The following C9orf85 variants were observed in gnomAD, a reference collection of about 807,000 sequenced individuals.
C9orf85 encodes chromosome 9 open reading frame 85, also known as uncharacterized protein C9orf85.
A neutral mutation model predicts 14.9 loss-of-function variants in C9orf85; 16 were observed. The ratio of observed to expected loss-of-function variants is 1.08; its 90% confidence interval spans 0.73 to 1.63. The LOEUF is 1.63. C9orf85 is among the 40% of genes most tolerant of loss of function. The pLI, the probability that C9orf85 is intolerant of heterozygous loss-of-function variation, is 0.00. For missense variants in C9orf85, 172 were observed against 186.1 expected (o/e 0.92, Z 0.44); for synonymous variants, 45 against 56.8 (o/e 0.79, Z 0.93).
At chr9:71,932,875 G>A (rs1333280085) in intron 1 of C9orf85, among the ~76,000 whole-genome samples, 1 of 152,064 alleles carries the variant, frequency 6.6e-6, no homozygotes, top group Non-Finnish European at 1.5e-5. Flanking sequence ...TGTGGAGAGA[G>A]TCAAGAAAAT....
At chr9:71,913,121 G>A (rs893684484) in intron 1 of C9orf85, among the ~76,000 whole-genome samples, 8 of 152,136 alleles carry the variant, frequency 5.3e-5, no homozygotes, top group Non-Finnish European at 2.9e-5. Flanking sequence ...AATTTGTCAG[G>A]ATTGTTGGGA....
intron 2 of C9orf85, among the ~76,000 whole-genome samples, chr9:71,960,369 C>T (rs1330038194): frequency 1.3e-5 from 2 of 152,044 alleles, no homozygotes; most frequent in African/African-American, 4.8e-5. Context: ...TTTCTCATTG[C>T]ATAACTTTTG....
At chr9:71,930,914 G>T (rs1334744583) in intron 1 of C9orf85, among the ~76,000 whole-genome samples, 2 of 151,846 alleles carry the variant, frequency 1.3e-5, no homozygotes, top group Non-Finnish European at 2.9e-5. Context: ...TAGCACATTT[G>T]GTCTGACCTT....
chr9:71,976,728 AT>A (rs5898244), downstream of C9orf85, among the ~76,000 whole-genome samples: 20 of 146,118 alleles, frequency 1.4e-4, no homozygotes, highest in African/African-American at 2.7e-4. Flanking sequence ...ATAGCCCAGG[AT>A]TTTTTTTTTT....
chr9:71,936,640 G>A (rs1047583622), intron 1 of C9orf85, among the ~76,000 whole-genome samples: 4 of 152,092 alleles, frequency 2.6e-5, no homozygotes, highest in Non-Finnish European at 5.9e-5. Context: ...AATGAAGATA[G>A]TTCAAAGATA....
intron 1 of C9orf85, among the ~76,000 whole-genome samples, chr9:71,944,355 G>A (rs1017468424): frequency 2.0e-5 from 3 of 151,950 alleles, no homozygotes; most frequent in Non-Finnish European, 4.4e-5. Flanking sequence ...GTATTCATTT[G>A]ATAAGTAAGG....
At chr9:71,977,917 A>C (rs1396959878), downstream of C9orf85, among the ~76,000 whole-genome samples, 5 of 152,186 alleles carry the variant, frequency 3.3e-5, no homozygotes, top group Non-Finnish European at 2.9e-5. Flanking sequence ...TACTGAAAAA[A>C]ATCATACCTT....
At chr9:71,914,910 G>T (rs904550219) in intron 1 of C9orf85, among the ~76,000 whole-genome samples, 2 of 152,172 alleles carry the variant, frequency 1.3e-5, no homozygotes, top group African/African-American at 4.8e-5. Context: ...GTGGGAATAG[G>T]TTTAAATCTT....
At chr9:71,978,299 A>G (rs1017407671), downstream of C9orf85, among the ~76,000 whole-genome samples, 1 of 152,042 alleles carries the variant, frequency 6.6e-6, no homozygotes, top group African/African-American at 2.4e-5. Context: ...TTATGGAGAC[A>G]GCGTTTTGCA....
intron 1 of C9orf85, among the ~76,000 whole-genome samples, chr9:71,946,099 T>A (rs894280172): frequency 1.3e-5 from 2 of 152,250 alleles, no homozygotes; most frequent in Non-Finnish European, 2.9e-5. Flanking sequence ...TACAGATATT[T>A]ACATACAAAT....
chr9:71,916,138 G>C (rs1047235986), intron 1 of C9orf85, among the ~76,000 whole-genome samples: 6 of 152,134 alleles, frequency 3.9e-5, no homozygotes, highest in Non-Finnish European at 7.3e-5. Context: ...ATGAAAGAAC[G>C]GTCTAGGGAG....
intron 1 of C9orf85, chr9:71,918,479 GGGTCCCCAGCCCCCGACCCCCGCATC>G (rs1183534786): frequency 1.5e-6 from 2 of 1,301,646 alleles, no homozygotes; most frequent in Non-Finnish European, 1.0e-6. Context: ...TGTGGAGCAG[GGGTCCCCAGCCCCCGACCCCCGCATC>G]GGTCCATGGC....
At chr9:71,940,047 T>A (rs901287446) in intron 1 of C9orf85, among the ~76,000 whole-genome samples, 21 of 152,010 alleles carry the variant, frequency 1.4e-4, no homozygotes, top group African/African-American at 5.1e-4. Flanking sequence ...AGAAAAAAAT[T>A]GATAAATTGT....
downstream of C9orf85, among the ~76,000 whole-genome samples, chr9:71,975,668 A>G (rs1240677895): frequency 2.0e-5 from 3 of 152,048 alleles, no homozygotes; most frequent in Non-Finnish European, 4.4e-5. Flanking sequence ...CCCCATCTCT[A>G]CTAAAAACAC....
At chr9:71,930,011 A>C (rs1008839371) in intron 1 of C9orf85, among the ~76,000 whole-genome samples, 1 of 151,228 alleles carries the variant, frequency 6.6e-6, no homozygotes, top group Non-Finnish European at 1.5e-5. Flanking sequence ...GAATGTTGTA[A>C]AAATAGCAGG....
chr9:71,973,529 A>T (rs1188671553), downstream of C9orf85: 1 of 152,256 alleles, frequency 6.6e-6, no homozygotes, highest in Non-Finnish European at 1.5e-5. Flanking sequence ...TAACAAGCGT[A>T]TAGCAATTCT....
chr9:71,976,318 T>C (rs1822993844), downstream of C9orf85, among the ~76,000 whole-genome samples: 1 of 152,184 alleles, frequency 6.6e-6, no homozygotes, highest in African/African-American at 2.4e-5. Context: ...TACAGTGCTT[T>C]ATTATAGAAG....
chr9:71,961,100 CG>C (rs1822506655), intron 2 of C9orf85, among the ~76,000 whole-genome samples: 1 of 151,348 alleles, frequency 6.6e-6, no homozygotes, highest in African/African-American at 2.4e-5. Context: ...TCAGTAGAGA[CG>C]GGATTTCTCC....
intron 1 of C9orf85, among the ~76,000 whole-genome samples, chr9:71,920,634 G>C (rs1006227499): frequency 6.6e-6 from 1 of 152,142 alleles, no homozygotes; most frequent in Admixed American, 6.5e-5. Context: ...GTCACAGGCA[G>C]GTATACAGTG....
Sources: gnomAD v4.1 joint callset for allele counts (sites outside exome capture counted in the v4.1 genomes callset) on GRCh38, gnomAD v4.1.1 for gene constraint, MANE v1.5 for transcripts, NCBI Gene and HGNC (gene_info 2026-07-23, HGNC 2026-07-21) for gene names.